Variants in CLEC1A observed in about 807,000 individuals in gnomAD.
CLEC1A encodes C-type lectin-like receptor-1.
Under a neutral mutation model 28.7 loss-of-function variants are expected in CLEC1A, and 34 were observed. That is an observed-to-expected ratio of 1.18 (90% CI 0.90 to 1.57). The LOEUF (loss-of-function observed/expected upper bound fraction) is 1.57, where lower values mean the gene tolerates loss of function less well. Among genes scored for constraint, CLEC1A ranks in the 40% most tolerant of loss-of-function variants. The pLI is 0.00. For missense variants in CLEC1A, 385 were observed against 339.5 expected, an observed-to-expected ratio of 1.13 and a Z score of -1.05; for synonymous variants, 116 against 121.0, an observed-to-expected ratio of 0.96 and a Z score of 0.27.
In CLEC1A at chr12:10,089,106, G is replaced by A. The variant is rs754205723; in HGVS notation, c.214+18C>T. ...CCTTGGAACCAGGATCCTCCCCCAG[G>A]TCAGAGCGCAGACTTACACAAAAGC... On this transcript the variant is annotated intron_variant, in intron 2 of 5. Coordinates refer to ENST00000315330, the MANE Select transcript of CLEC1A (RefSeq NM_016511.4). The A allele has an allele frequency of 1.3e-6, 2 of 1,590,794 alleles. No individual in the cohort carries two copies. Among genetic ancestry groups the A allele is most frequent in the African/African-American group, 2.7e-5 (2 of 74,416 alleles).
At position 10,070,656 on chromosome 12, in the gene CLEC1A, C is replaced by T. The variant is rs564158453; in HGVS notation, c.*677G>A. ...CGGGGACGGTAGTTCTGATATGAAA[C>T]GGAGATGGGGATATATTTCTTTCCT... On this transcript the variant is annotated 3_prime_UTR_variant, in exon 6 of 6. Coordinates refer to ENST00000315330, the MANE Select transcript of CLEC1A (RefSeq NM_016511.4). The T allele has an allele frequency of 4.6e-5, 7 of 152,170 alleles. No homozygotes were observed. Among genetic ancestry groups the T allele is most frequent in the South Asian group, 2.1e-4 (1 of 4,822 alleles). 9.4% of individuals were successfully genotyped at this position (152,170 alleles called of 1,614,324 possible).
intron 1 of CLEC1A, among the ~76,000 whole-genome samples, chr12:10,094,793 T>A (rs1947754741): frequency 6.6e-6 from 1 of 152,192 alleles, no homozygotes; most frequent in African/African-American, 2.4e-5. Flanking sequence ...ATAAATTTAA[T>A]CATACTTCCT....
chr12:10,075,466 T>C (rs765685888), intron 4 of CLEC1A, 38 bp downstream of exon 4: 25 of 1,605,708 alleles, frequency 1.6e-5, no homozygotes, highest in African/African-American at 1.3e-5. Flanking sequence ...GGCCTCTTTT[T>C]GAAATCCTTC....
chr12:10,079,321 G>A (rs1027490558), intron 3 of CLEC1A, among the ~76,000 whole-genome samples: 12 of 152,170 alleles, frequency 7.9e-5, no homozygotes, highest in Non-Finnish European at 1.5e-5. Context: ...GAAATAAAAA[G>A]TAGCAGATTA....
intron 2 of CLEC1A, among the ~76,000 whole-genome samples, chr12:10,088,074 T>G (rs1402418573): frequency 6.6e-6 from 1 of 152,098 alleles, no homozygotes; most frequent in Non-Finnish European, 1.5e-5. Context: ...ATTGAAATAG[T>G]GTTATTATTT....
At chr12:10,089,739 T>A (rs1277497970) in intron 1 of CLEC1A, among the ~76,000 whole-genome samples, 9 of 152,104 alleles carry the variant, frequency 5.9e-5, no homozygotes, top group Non-Finnish European at 1.2e-4. Flanking sequence ...TGGGAAGTAA[T>A]AATTTTACTG....
At position 10,075,569 on chromosome 12, in the gene CLEC1A, C is replaced by T. The variant is rs1366794709; in HGVS notation, c.478G>A (p.Asp160Asn). 4 of 1,613,970 alleles carry T rather than the reference C, an allele frequency of 2.5e-6. No individual in the cohort carries two copies. The highest frequency in any genetic ancestry group is 3.4e-6 in the Non-Finnish European group (4 of 1,179,884). The change falls in exon 4 of 6, where the codon GAC becomes AAC. Residue 160 changes from aspartate (D) to asparagine (N), a missense_variant. Asp to Asn is a conservative substitution (Grantham distance 23, BLOSUM62 1). Coordinates refer to ENST00000315330, the MANE Select transcript of CLEC1A (RefSeq NM_016511.4). ...QFYKDSKSWE[D>N]CKYFCLSENS... ...TCACTAAGGCAGAAATATTTACAGT[C>T]CTCCCAACTTTTGCTGTCTTTATAG...
chr12:10,074,380 A>G (rs529889140), intron 4 of CLEC1A, among the ~76,000 whole-genome samples: 21 of 152,326 alleles, frequency 1.4e-4, no homozygotes, highest in African/African-American at 5.1e-4. Context: ...ACTGTAGTTG[A>G]AAATATTTAT....
chr12:10,097,433 T>A (rs1240571759), intron 1 of CLEC1A, among the ~76,000 whole-genome samples: 2 of 152,216 alleles, frequency 1.3e-5, no homozygotes, highest in Non-Finnish European at 2.9e-5. Flanking sequence ...CCCCTAAATG[T>A]TTGTATTACC....
chr12:10,092,024 A>G (rs1462409184), intron 1 of CLEC1A, among the ~76,000 whole-genome samples: 13 of 152,112 alleles, frequency 8.5e-5, no homozygotes, highest in African/African-American at 2.7e-4. Context: ...TCCATTATAT[A>G]CAAATACCTG....
intron 4 of CLEC1A, among the ~76,000 whole-genome samples, chr12:10,075,284 A>G (rs944816958): frequency 6.6e-6 from 1 of 152,192 alleles, no homozygotes; most frequent in Non-Finnish European, 1.5e-5. Flanking sequence ...TTAAAGTGAT[A>G]TTGCTCATCT....
chr12:10,090,456 C>T (rs1304216735), intron 1 of CLEC1A, among the ~76,000 whole-genome samples: 1 of 152,060 alleles, frequency 6.6e-6, no homozygotes, highest in African/African-American at 2.4e-5. Flanking sequence ...TGAGGTTTCA[C>T]CATGTTGCCC....
chr12:10,075,493 CA>C lies in CLEC1A; in HGVS notation c.543+10del, dbSNP rs757013859. ...AAATCCTTCAAACATTGAAAAGCCT[CA>C]GAATCTTACCAGGTCTTCTTGTTTG... On this transcript the variant is annotated intron_variant, in intron 4 of 5. Coordinates refer to ENST00000315330, the MANE Select transcript of CLEC1A (RefSeq NM_016511.4). The C allele has an allele frequency of 1.9e-6, 3 of 1,613,094 alleles. No homozygotes were observed. Among genetic ancestry groups the C allele is most frequent in the Non-Finnish European group, 2.5e-6 (3 of 1,179,536 alleles).
chr12:10,096,248 G>C (rs982598438), intron 1 of CLEC1A, among the ~76,000 whole-genome samples: 1 of 152,034 alleles, frequency 6.6e-6, no homozygotes, highest in Admixed American at 6.6e-5. Context: ...TATAGTTTCT[G>C]TCTCAGTTAA....
chr12:10,098,931 C>G lies in CLEC1A; in HGVS notation c.-9G>C. The G allele has an allele frequency of 6.3e-7, 1 of 1,599,438 alleles. No individual in the cohort carries two copies. The highest frequency in any genetic ancestry group is 1.1e-5 in the South Asian group (1 of 89,632). ...CTGTACTTGGCCTGCATCTGGATTC[C>G]TACAGCGGTGAGAGTGAAATGTGGT... is the stretch of plus-strand genomic sequence containing the variant. On this transcript the variant is annotated 5_prime_UTR_variant, in exon 1 of 6. Coordinates refer to ENST00000315330, the MANE Select transcript of CLEC1A (RefSeq NM_016511.4).
intron 1 of CLEC1A, among the ~76,000 whole-genome samples, chr12:10,097,356 A>G (rs528570188): frequency 4.9e-4 from 74 of 152,270 alleles, no homozygotes; most frequent in African/African-American, 1.7e-3. Flanking sequence ...TTCTGCTGTT[A>G]TTTTTATCAG....
intron 3 of CLEC1A, among the ~76,000 whole-genome samples, chr12:10,080,112 CA>C (rs752725000): frequency 2.6e-4 from 39 of 152,200 alleles, no homozygotes; most frequent in Non-Finnish European, 4.1e-4. Context: ...AGTTCAAGAC[CA>C]GCCTGCCCAA....
rs770200725 is a variant in CLEC1A at position 10,098,813 on chromosome 12, C to T, written c.110G>A (p.Arg37His). Residue 37 changes from arginine (R) to histidine (H), a missense_variant, in exon 1 of 6, where the codon CGC becomes CAC. Physicochemically the swap from Arg to His is conservative, Grantham distance 29. Coordinates refer to ENST00000315330, the MANE Select transcript of CLEC1A (RefSeq NM_016511.4). Reference protein sequence around the residue: ...SATTRHPEPRRTEHRAPSSTW... With the variant: ...SATTRHPEPRHTEHRAPSSTW... ...GACTCCAGGAGACAGGGTACCTGTG[C>T]GCCGGGGCTCTGGATGCCGAGTTGT... 12 of 1,610,310 alleles carry T rather than the reference C, an allele frequency of 7.5e-6. No homozygotes were observed. The highest frequency in any genetic ancestry group is 2.7e-5 in the African/African-American group (2 of 74,934).
In CLEC1A at chr12:10,083,711, G is replaced by T. The variant is rs144397012; in HGVS notation, c.215-2298C>A. On this transcript the variant is annotated intron_variant, in intron 2 of 5. Transcript: ENST00000315330. Reference sequence around the variant, plus strand: ...TGGTCTTAAACTCCTGACCTCAGGAGATCTGCCCTCCTCAGCCTCCCAAAG... The same window carrying T: ...TGGTCTTAAACTCCTGACCTCAGGATATCTGCCCTCCTCAGCCTCCCAAAG... 9.9e-5 allele frequency among the ~76,000 whole-genome samples: 15 copies of T among 152,258 alleles called. No homozygotes were observed. The East Asian group carries it at 2.9e-3, about 29-fold the overall frequency.
Sources: gnomAD v4.1 joint callset for allele counts (sites outside exome capture counted in the v4.1 genomes callset) on GRCh38, gnomAD v4.1.1 for gene constraint, MANE v1.5 for transcripts, NCBI Gene and HGNC (gene_info 2026-07-23, HGNC 2026-07-21) for gene names.